PLCXD3: variants seen among roughly 807,000 people sequenced by gnomAD.
PLCXD3 encodes the protein PI-PLC X domain-containing protein 3.
PLCXD3 carries 19 observed loss-of-function variants against 25.5 expected under a neutral mutation model. The observed-to-expected ratio is 0.75, with a 90% confidence interval of 0.52 to 1.09. PLCXD3 has a LOEUF of 1.09. PLCXD3 is among the 50% of genes least tolerant of loss of function. PLCXD3 has a pLI of 0.00. For synonymous variants in PLCXD3, 174 were observed against 137.6 expected, an observed-to-expected ratio of 1.26 and a Z score of -1.85; for missense variants, 411 against 388.1, an observed-to-expected ratio of 1.06 and a Z score of -0.50.
chr5:41,490,664 A>C (rs1165862731), intron 1 of PLCXD3, among the ~76,000 whole-genome samples: 1 of 152,048 alleles, frequency 6.6e-6, no homozygotes, highest in Non-Finnish European at 1.5e-5. Context: ...TAGTCTTGGG[A>C]GGGTGTATGT....
chr5:41,508,566 G>A (rs1302978689), intron 1 of PLCXD3, among the ~76,000 whole-genome samples: 1 of 152,200 alleles, frequency 6.6e-6, no homozygotes, highest in Non-Finnish European at 1.5e-5. Context: ...GTGAGCTGGT[G>A]TACATAACAG....
chr5:41,505,316 A>G (rs1248737003), intron 1 of PLCXD3, among the ~76,000 whole-genome samples: 3 of 152,164 alleles, frequency 2.0e-5, no homozygotes, highest in South Asian at 2.1e-4. Flanking sequence ...AAACTGTTAT[A>G]TATGCTTGTA....
rs1744560022 is a variant in PLCXD3, at chr5:41,354,394, C to T, written c.812+27432G>A. ...TGTTTCTGACTTCAGTGAATGGCATCAGAAGTGACCTAAGCCAGAAGCTTC... is the reference window on the plus strand; with the variant it reads ...TGTTTCTGACTTCAGTGAATGGCATTAGAAGTGACCTAAGCCAGAAGCTTC... On this transcript the variant is annotated intron_variant, in intron 2 of 2. Transcript: ENST00000377801. Among the ~76,000 whole-genome samples the T allele has an allele frequency of 3.3e-5, 5 of 152,226 alleles. No individual in the cohort carries two copies. In the South Asian group the frequency reaches 1.0e-3, roughly 32 times the overall value.
chr5:41,510,396 G>A (rs754178246), intron 1 of PLCXD3, 28 bp downstream of exon 1: 3 of 1,571,610 alleles, frequency 1.9e-6, no homozygotes, highest in South Asian at 2.3e-5. Context: ...GGCGCCGAGC[G>A]CCTAGCCCGC....
chr5:41,506,758 T>C (rs3863150), intron 1 of PLCXD3, among the ~76,000 whole-genome samples: 16,612 of 152,178 alleles, frequency 0.11, 1,283 homozygotes, highest in African/African-American at 0.22. Context: ...TTGTTTTTCA[T>C]TGGTGTTTGC....
At chr5:41,501,858 C>T (rs1580405851) in intron 1 of PLCXD3, among the ~76,000 whole-genome samples, 1 of 151,876 alleles carries the variant, frequency 6.6e-6, no homozygotes, top group African/African-American at 2.4e-5. Flanking sequence ...TCATTGGCTA[C>T]CTTGATAAGA....
intron 1 of PLCXD3, among the ~76,000 whole-genome samples, chr5:41,444,229 G>T (rs944188042): frequency 6.6e-6 from 1 of 152,070 alleles, no homozygotes; most frequent in East Asian, 1.9e-4. Flanking sequence ...CACAGATTAG[G>T]GTTTGTTGAC....
rs141016251 is a variant in PLCXD3, at chr5:41,348,221, T to A, written c.812+33605A>T. Among the ~76,000 whole-genome samples the A allele has an allele frequency of 2.8e-3, 425 of 152,334 alleles. 2 individuals are homozygous for A. The highest frequency in any genetic ancestry group is 9.4e-3 in the African/African-American group (389 of 41,594). ...TTCAAAACAAGGACATCATTGCTTG[T>A]GTGACATTATGATCTAATAGACGTT... is the stretch of plus-strand genomic sequence containing the variant. On this transcript the variant is annotated intron_variant, in intron 2 of 2. Coordinates refer to ENST00000377801, the MANE Select transcript of PLCXD3 (RefSeq NM_001005473.3).
rs1277630382 is a variant in PLCXD3 at position 41,313,775 on chromosome 5, G to A, written c.813-5C>T. The A allele has an allele frequency of 1.3e-6, 2 of 1,566,414 alleles. No homozygotes were observed. Among genetic ancestry groups the A allele is most frequent in the Non-Finnish European group, 1.7e-6 (2 of 1,159,238 alleles). On this transcript the variant is annotated splice_polypyrimidine_tract_variant and splice_region_variant and intron_variant, in intron 2 of 2. Coordinates refer to ENST00000377801, the MANE Select transcript of PLCXD3 (RefSeq NM_001005473.3). The stretch of plus-strand genomic sequence containing the variant: ...TGCATCATGGCAGGAAGAGCTCTGA[G>A]AAAGGAAACAAAAAGAAAAGTCACA...
intron 2 of PLCXD3, among the ~76,000 whole-genome samples, chr5:41,374,774 C>T (rs987672558): frequency 3.9e-5 from 6 of 152,090 alleles, no homozygotes; most frequent in African/African-American, 9.7e-5. Flanking sequence ...ATAGAATATT[C>T]CAAATATCCA....
chr5:41,463,888 C>T (rs530597959), intron 1 of PLCXD3, among the ~76,000 whole-genome samples: 2 of 141,324 alleles, frequency 1.4e-5, no homozygotes, highest in East Asian at 3.9e-4. Context: ...GAAAACTTAT[C>T]CTCTCAAAGG....
intron 1 of PLCXD3, among the ~76,000 whole-genome samples, chr5:41,436,897 C>T (rs1039049998): frequency 1.3e-5 from 2 of 152,130 alleles, no homozygotes; most frequent in African/African-American, 2.4e-5. Context: ...CTTTTAGATA[C>T]TTAATATAGT....
chr5:41,378,310 C>A (rs1395325068), intron 2 of PLCXD3, among the ~76,000 whole-genome samples: 2 of 151,990 alleles, frequency 1.3e-5, no homozygotes, highest in African/African-American at 4.8e-5. Context: ...TACAGCTTTG[C>A]AAATGGTTAA....
intron 1 of PLCXD3, among the ~76,000 whole-genome samples, chr5:41,400,404 C>A (rs997813232): frequency 2.0e-5 from 3 of 152,048 alleles, no homozygotes; most frequent in Admixed American, 2.0e-4. Context: ...TGTTGCAGCA[C>A]TGTTTACAAT....
At chr5:41,463,306 A>T (rs1412516901) in intron 1 of PLCXD3, among the ~76,000 whole-genome samples, 3 of 152,008 alleles carry the variant, frequency 2.0e-5, no homozygotes, top group African/African-American at 7.2e-5. Flanking sequence ...GGTTCTGCTG[A>T]GAGCCGTATT....
At chr5:41,326,321 G>A (rs1320842696) in intron 2 of PLCXD3, among the ~76,000 whole-genome samples, 2 of 151,208 alleles carry the variant, frequency 1.3e-5, no homozygotes, top group Admixed American at 6.6e-5. Context: ...CCTTTTTTGT[G>A]TGTGTTATCT....
At chr5:41,391,481 A>C (rs1745818015) in intron 1 of PLCXD3, among the ~76,000 whole-genome samples, 1 of 152,150 alleles carries the variant, frequency 6.6e-6, no homozygotes. Flanking sequence ...TGCTGCCTTG[A>C]AGAAAGAGAT....
intron 1 of PLCXD3, among the ~76,000 whole-genome samples, chr5:41,460,122 T>C (rs911406824): frequency 1.3e-5 from 2 of 151,936 alleles, no homozygotes; most frequent in African/African-American, 2.4e-5. Flanking sequence ...TATAACATAA[T>C]GGTTCCCAGT....
Position 41,310,214 on chromosome 5 carries a change from T to C in PLCXD3, c.*3403A>G, listed in dbSNP as rs1022570949. ...TCTCTGCATTTACATTATTGTGTGG[T>C]AAATAGGGAGACATAAATGATAATG... On this transcript the variant is annotated 3_prime_UTR_variant, in exon 3 of 3. Transcript: ENST00000377801. 2 of 152,110 alleles carry C rather than the reference T, an allele frequency of 1.3e-5. No homozygotes were observed. Among genetic ancestry groups the C allele is most frequent in the Non-Finnish European group, 2.9e-5 (2 of 68,006 alleles). 9.4% of individuals were successfully genotyped at this position (152,110 alleles called of 1,614,324 possible).
Sources: allele counts gnomAD v4.1 joint callset (sites outside exome capture counted in the v4.1 genomes callset), GRCh38; gene constraint gnomAD v4.1.1; transcripts MANE v1.5; gene names NCBI Gene and HGNC (gene_info 2026-07-23, HGNC 2026-07-21).